Variants in CNTN6 observed in about 807,000 individuals in gnomAD.
The protein encoded by CNTN6 is contactin-6.
Under a neutral mutation model 122.8 loss-of-function variants are expected in CNTN6, and 137 were observed. The ratio of observed to expected loss-of-function variants is 1.12; its 90% confidence interval spans 0.97 to 1.29. The LOEUF (loss-of-function observed/expected upper bound fraction) is 1.29, where lower values mean the gene tolerates loss of function less well. Among genes scored for constraint, CNTN6 ranks in the 50% most tolerant of loss-of-function variants. The pLI is 0.00. For synonymous variants in CNTN6, 570 were observed against 426.0 expected, an observed-to-expected ratio of 1.34 and a Z score of -4.16; for missense variants, 1,634 against 1,223.4, an observed-to-expected ratio of 1.34 and a Z score of -5.01.
intron 2 of CNTN6, among the ~76,000 whole-genome samples, chr3:1,171,294 A>G (rs1032541871): frequency 4.6e-5 from 7 of 152,238 alleles, no homozygotes; most frequent in Admixed American, 1.3e-4. Flanking sequence ...CAAAGAAATA[A>G]TATGTGTAGG....
chr3:1,390,482 A>AACATC (rs1202615005), intron 20 of CNTN6, among the ~76,000 whole-genome samples: 1 of 151,878 alleles, frequency 6.6e-6, no homozygotes, highest in Non-Finnish European at 1.5e-5. Flanking sequence ...TTGACACCCT[A>AACATC]ACATCACAAT....
chr3:1,324,656 C>A (rs265785), intron 8 of CNTN6, among the ~76,000 whole-genome samples: 26,002 of 149,278 alleles, frequency 0.17, 3,505 homozygotes, highest in African/African-American at 0.27. Context: ...AGATGGAGAA[C>A]AATGGATCGT....
At chr3:1,396,912 T>A (rs1361083161) in intron 20 of CNTN6, among the ~76,000 whole-genome samples, 2 of 152,248 alleles carry the variant, frequency 1.3e-5, no homozygotes, top group African/African-American at 2.4e-5. Flanking sequence ...GAAAAAATTC[T>A]GCATTCAGCA....
Position 1,280,459 on chromosome 3 carries a change from A to ATTTTTTTTTTTTTTTTTTTTTTT in CNTN6, c.454+1952_454+1974dup, listed in dbSNP as rs71619483. ...GTAATGGCAAACTTGTGTAATACCA[A>ATTTTTTTTTTTTTTTTTTTTTTT]TTTTTTTTTTTTTTTTTTTTTTTGT... On this transcript the variant is annotated intron_variant, in intron 5 of 22. Coordinates refer to ENST00000446702, the MANE Select transcript of CNTN6 (RefSeq NM_001289080.2). Among the ~76,000 whole-genome samples, 123 of 66,620 alleles carry ATTTTTTTTTTTTTTTTTTTTTTT rather than the reference A, an allele frequency of 1.8e-3. 32 individuals are homozygous for ATTTTTTTTTTTTTTTTTTTTTTT. The highest frequency in any genetic ancestry group is 2.6e-3 in the Admixed American group (12 of 4,622). 43.7% of individuals were successfully genotyped at this position (66,620 alleles called of 152,430 possible). A position where few individuals can be genotyped will look rare whatever the true frequency, so the allele number is the denominator to read the frequency against.
intron 1 of CNTN6, among the ~76,000 whole-genome samples, chr3:1,097,199 G>T (rs926648992): frequency 2.6e-5 from 4 of 152,192 alleles, no homozygotes; most frequent in Non-Finnish European, 5.9e-5. Flanking sequence ...TTCTGATAAT[G>T]TCCCCTATTA....
intron 5 of CNTN6, among the ~76,000 whole-genome samples, chr3:1,284,228 G>C (rs756765221): frequency 6.6e-6 from 1 of 152,116 alleles, no homozygotes; most frequent in Non-Finnish European, 1.5e-5. Context: ...TAAAGATGTT[G>C]ACAATTCCAC....
chr3:1,185,456 A>G (rs1421592109), intron 2 of CNTN6, among the ~76,000 whole-genome samples: 1 of 152,198 alleles, frequency 6.6e-6, no homozygotes, highest in Non-Finnish European at 1.5e-5. Flanking sequence ...CAGGGGTTCC[A>G]TTTCCACAGT....
chr3:1,268,649 G>T (rs189186743), intron 4 of CNTN6, among the ~76,000 whole-genome samples: 1 of 151,324 alleles, frequency 6.6e-6, no homozygotes, highest in African/African-American at 2.4e-5. Context: ...GCAGTTCTTG[G>T]AATAAAATTC....
chr3:1,230,392 A>T (rs997685889), intron 4 of CNTN6, among the ~76,000 whole-genome samples: 19 of 152,206 alleles, frequency 1.2e-4, no homozygotes, highest in African/African-American at 4.3e-4. Flanking sequence ...TCCCTGATCC[A>T]TTATGGACCC....
At chr3:1,321,878 G>T (rs754930599) in intron 8 of CNTN6, 44 bp downstream of exon 8, 1 of 1,461,918 alleles carries the variant, frequency 6.8e-7, no homozygotes, top group Admixed American at 2.1e-5. Flanking sequence ...ATTTGGTAAT[G>T]CCCTTCATAA....
In CNTN6 at chr3:1,382,927, C is replaced by G. The variant is rs1446610258; in HGVS notation, c.2167-15C>G. 1 of 1,578,216 alleles carries G rather than the reference C, an allele frequency of 6.3e-7. No homozygotes were observed. On this transcript the variant is annotated splice_polypyrimidine_tract_variant and intron_variant, in intron 17 of 22. Transcript: ENST00000446702. ...TTTTTGCAAATACTCAGTGATTGAT[C>G]ACATTCTGCCCAAGTCAATTCCAGA...
At position 1,248,220 on chromosome 3, in the gene CNTN6, G is replaced by C. The variant is rs533636620; in HGVS notation, c.358+20227G>C. Among the ~76,000 whole-genome samples, 4 of 152,158 alleles carry C rather than the reference G, an allele frequency of 2.6e-5. No individual in the cohort carries two copies. In the East Asian group the frequency reaches 7.7e-4, roughly 29 times the overall value. On this transcript the variant is annotated intron_variant, in intron 4 of 22. Coordinates refer to ENST00000446702, the MANE Select transcript of CNTN6 (RefSeq NM_001289080.2). ...TACTTTGGGAAGGTAACATATTCTA[G>C]TTCTCAAATTGATGTAAGTACATTT...
chr3:1,158,517 T>C (rs1200967676), intron 2 of CNTN6, among the ~76,000 whole-genome samples: 1 of 152,016 alleles, frequency 6.6e-6, no homozygotes, highest in Non-Finnish European at 1.5e-5. Context: ...TCCTTTTCTA[T>C]ATAGAAGCTT....
chr3:1,388,465 A>AAAC (rs1309290101), intron 20 of CNTN6, among the ~76,000 whole-genome samples: 2 of 151,784 alleles, frequency 1.3e-5, no homozygotes, highest in African/African-American at 2.4e-5. Flanking sequence ...GATGGGGAAA[A>AAAC]AACAGAACAG....
intron 7 of CNTN6, among the ~76,000 whole-genome samples, chr3:1,314,924 T>A (rs1300857608): frequency 6.6e-6 from 1 of 152,056 alleles, no homozygotes; most frequent in Non-Finnish European, 1.5e-5. Flanking sequence ...ATCCCTCATC[T>A]ATGGTCTGAG....
In CNTN6 at chr3:1,227,961, T is replaced by G. The variant is rs941062832; in HGVS notation, c.326T>G (p.Ile109Ser). 2 of 1,613,884 alleles carry G rather than the reference T, an allele frequency of 1.2e-6. No individual in the cohort carries two copies. The highest frequency in any genetic ancestry group is 1.7e-6 in the Non-Finnish European group (2 of 1,179,910). The change falls in exon 4 of 23, where the codon ATT becomes AGT. Residue 109 changes from isoleucine (I) to serine (S), a missense_variant. Transcript: ENST00000446702. ...CTGGCCACCAATCTTCTGGGGACAA[T>G]TCTGAGTCGGAAGGCAAAGCTCCAA... ...QCLATNLLGT[I>S]LSRKAKLQFA...
chr3:1,290,539 C>T (rs1468006431), intron 5 of CNTN6, among the ~76,000 whole-genome samples: 4 of 152,128 alleles, frequency 2.6e-5, no homozygotes, highest in Admixed American at 6.5e-5. Context: ...GGTTCAGATC[C>T]GGACTCCATG....
intron 17 of CNTN6, among the ~76,000 whole-genome samples, chr3:1,380,048 GA>G (rs1710436978): frequency 6.6e-6 from 1 of 152,170 alleles, no homozygotes; most frequent in African/African-American, 2.4e-5. Flanking sequence ...AGGAGGTCAG[GA>G]AAGACACCAT....
At chr3:1,147,091 T>C (rs2092739063) in intron 1 of CNTN6, among the ~76,000 whole-genome samples, 1 of 152,116 alleles carries the variant, frequency 6.6e-6, no homozygotes, top group Non-Finnish European at 1.5e-5. Flanking sequence ...AAAATTTTAT[T>C]ATTTATTATC....
Sources: allele counts gnomAD v4.1 joint callset (sites outside exome capture counted in the v4.1 genomes callset), GRCh38; gene constraint gnomAD v4.1.1; transcripts MANE v1.5; gene names NCBI Gene and HGNC (gene_info 2026-07-23, HGNC 2026-07-21).